The following RPGRIP1L variants were observed in gnomAD, a reference collection of about 807,000 sequenced individuals.
RPGRIP1L encodes the protein RPGRIP1 like, also known as protein fantom.
RPGRIP1L carries 131 observed loss-of-function variants against 160.4 expected under a neutral mutation model. The ratio of observed to expected loss-of-function variants is 0.82; its 90% CI spans 0.71 to 0.94. The LOEUF (loss-of-function observed/expected upper bound fraction) is 0.94. Ranked by LOEUF, RPGRIP1L falls within the 40% of genes least tolerant of loss-of-function variation. The probability of loss-of-function intolerance (pLI) is 0.00; values close to 1 mark genes in which losing one functional copy is unlikely to be tolerated. For missense variants in RPGRIP1L, 1,522 were observed against 1,535.8 expected (o/e 0.99, Z 0.15); for synonymous variants, 510 against 515.8 (o/e 0.99, Z 0.15).
chr16:53,646,310 A>G lies in RPGRIP1L; in HGVS notation c.2305-307T>C, dbSNP rs576442271. On this transcript the variant is annotated intron_variant, in intron 16 of 26. Coordinates refer to ENST00000647211, the MANE Select transcript of RPGRIP1L (RefSeq NM_015272.5). ...TTCTTCAATTCTGTTAGATAACTAA[A>G]GACTATAGTGAGCAATGGGTAGATA... is the stretch of plus-strand genomic sequence containing the variant. Among the ~76,000 whole-genome samples, 69 of 152,342 alleles carry G rather than the reference A, an allele frequency of 4.5e-4. No homozygotes were observed. The South Asian group carries it at 0.013, about 28-fold the overall frequency.
intron 17 of RPGRIP1L, among the ~76,000 whole-genome samples, chr16:53,642,469 T>C (rs1234884461): frequency 6.7e-6 from 1 of 149,294 alleles, no homozygotes; most frequent in Non-Finnish European, 1.5e-5. Context: ...AGACTTTGGG[T>C]AGGATAAAAG....
Position 53,652,784 on chromosome 16 carries a change from A to G in RPGRIP1L, c.1903T>C (p.Tyr635His), listed in dbSNP as rs1307352779. 6.2e-7 allele frequency: 1 copy of G among 1,614,034 alleles called. No individual in the cohort carries two copies. Among genetic ancestry groups the G allele is most frequent in the East Asian group, 2.2e-5 (1 of 44,886 alleles). The change falls in exon 15 of 27, where the codon TAT becomes CAT. Residue 635 changes from tyrosine (Y) to histidine (H), a missense_variant. Tyr to His is a moderately conservative substitution (Grantham distance 83). Coordinates refer to ENST00000647211, the MANE Select transcript of RPGRIP1L (RefSeq NM_015272.5). ...TGTAGTTCAAAATCATAGAAAGCATAGGTACAGAAAGTGACAGGCTCTTTA... is the reference window on the plus strand; with the variant it reads ...TGTAGTTCAAAATCATAGAAAGCATGGGTACAGAAAGTGACAGGCTCTTTA... The part of the protein sequence containing the change: ...GDKEPVTFCT[Y>H]AFYDFELQTT...
intron 6 of RPGRIP1L, among the ~76,000 whole-genome samples, chr16:53,680,901 G>A (rs1969556617): frequency 6.6e-6 from 1 of 152,148 alleles, no homozygotes; most frequent in African/African-American, 2.4e-5. Context: ...AAAACAGGCT[G>A]AGTGAAAGAA....
At chr16:53,640,085 T>C (rs1966107086) in intron 19 of RPGRIP1L, among the ~76,000 whole-genome samples, 1 of 152,190 alleles carries the variant, frequency 6.6e-6, no homozygotes, top group Non-Finnish European at 1.5e-5. Context: ...TATATATTTT[T>C]AAAGTACAGC....
At chr16:53,685,181 G>A (rs1029870146) in intron 6 of RPGRIP1L, among the ~76,000 whole-genome samples, 1 of 152,106 alleles carries the variant, frequency 6.6e-6, no homozygotes. Context: ...TCTCACACCA[G>A]TGAGACTGGC....
rs1963409706 is a variant in RPGRIP1L at position 53,602,173 on chromosome 16, G to A, written c.3851C>T (p.Ala1284Val). Reference sequence around the variant, plus strand: ...GAGCTTGCCAATACCTTCACCATCTGCTCGTGCATCAAAAACTAGGGAGAA... The same window carrying A: ...GAGCTTGCCAATACCTTCACCATCTACTCGTGCATCAAAAACTAGGGAGAA... The part of the protein sequence containing the change: ...EQNIDVFDAR[A>V]DGEGIGKLRV... The change falls in exon 27 of 27, where the codon GCA (alanine) becomes GTA (valine). Residue 1284 changes from alanine (A) to valine (V), a missense_variant. Coordinates refer to ENST00000647211, the MANE Select transcript of RPGRIP1L (RefSeq NM_015272.5). 3 of 1,612,564 alleles carry A rather than the reference G, an allele frequency of 1.9e-6. No individual in the cohort carries two copies. The East Asian group carries it at 6.7e-5, about 36-fold the overall frequency.
chr16:53,608,584 G>C (rs1410063706), intron 25 of RPGRIP1L, among the ~76,000 whole-genome samples: 1 of 152,020 alleles, frequency 6.6e-6, no homozygotes, highest in Non-Finnish European at 1.5e-5. Context: ...ATATAGCATG[G>C]GGTGGCATGC....
chr16:53,647,352 C>T (rs574725061), intron 16 of RPGRIP1L, among the ~76,000 whole-genome samples: 3 of 152,264 alleles, frequency 2.0e-5, no homozygotes, highest in African/African-American at 7.2e-5. Flanking sequence ...TATGGCTGGA[C>T]CTTCGGAAGG....
At chr16:53,652,151 C>T (rs1448044291) in intron 15 of RPGRIP1L, among the ~76,000 whole-genome samples, 1 of 152,162 alleles carries the variant, frequency 6.6e-6, no homozygotes, top group African/African-American at 2.4e-5. Flanking sequence ...TCTCAGCTCA[C>T]TGTAACCTCT....
chr16:53,699,296 G>A (rs1244451192), intron 2 of RPGRIP1L, among the ~76,000 whole-genome samples: 1 of 140,224 alleles, frequency 7.1e-6, no homozygotes, highest in African/African-American at 2.7e-5. Context: ...AGAGACCTTT[G>A]TTCACTTGTT....
intron 22 of RPGRIP1L, among the ~76,000 whole-genome samples, chr16:53,624,957 G>C (rs1457275631): frequency 6.6e-6 from 1 of 152,160 alleles, no homozygotes; most frequent in Admixed American, 6.5e-5. Flanking sequence ...GTGGAGACAG[G>C]GTTTGGCCGT....
intron 7 of RPGRIP1L, among the ~76,000 whole-genome samples, chr16:53,674,643 A>G (rs1287201132): frequency 6.6e-6 from 1 of 152,168 alleles, no homozygotes; most frequent in Non-Finnish European, 1.5e-5. Context: ...CAATAATTTT[A>G]TAAATGCTTA....
At chr16:53,668,968 AAAAG>A (rs1274259723) in intron 9 of RPGRIP1L, among the ~76,000 whole-genome samples, 2 of 152,208 alleles carry the variant, frequency 1.3e-5, no homozygotes, top group South Asian at 2.1e-4. Context: ...ATTTATTTGA[AAAAG>A]AAAGATGAGA....
At chr16:53,613,070 T>A (rs1964154470) in intron 24 of RPGRIP1L, among the ~76,000 whole-genome samples, 1 of 152,216 alleles carries the variant, frequency 6.6e-6, no homozygotes, top group African/African-American at 2.4e-5. Context: ...ATACATCTTG[T>A]AGCATATGTC....
At chr16:53,625,724 AAGAG>A (rs1369497961) in intron 22 of RPGRIP1L, among the ~76,000 whole-genome samples, 4 of 152,200 alleles carry the variant, frequency 2.6e-5, no homozygotes, top group Non-Finnish European at 5.9e-5. Flanking sequence ...GGGGAAAAGA[AAGAG>A]AGATCAGATT....
At chr16:53,686,655 T>C in intron 5 of RPGRIP1L, 79 bp from the exon 6 acceptor site, 1 of 1,473,238 alleles carries the variant, frequency 6.8e-7, no homozygotes, top group Non-Finnish European at 9.4e-7. Flanking sequence ...AAGAAAGTTC[T>C]TCATGAAAAA....
At chr16:53,696,041 C>G in intron 3 of RPGRIP1L, 110 bp downstream of exon 3, 3 of 1,077,196 alleles carry the variant, frequency 2.8e-6, no homozygotes, top group Middle Eastern at 5.2e-4. Context: ...TTACATCCTG[C>G]CTTGTTCCAA....
At chr16:53,606,226 T>C (rs1407759238) in intron 25 of RPGRIP1L, among the ~76,000 whole-genome samples, 2 of 152,364 alleles carry the variant, frequency 1.3e-5, no homozygotes, top group East Asian at 3.9e-4. Flanking sequence ...TATTTTACTT[T>C]AAGACATATA....
At chr16:53,604,544 T>A (rs998808325) in intron 26 of RPGRIP1L, among the ~76,000 whole-genome samples, 1 of 152,184 alleles carries the variant, frequency 6.6e-6, no homozygotes, top group Non-Finnish European at 1.5e-5. Context: ...ACGTTCTAAA[T>A]ACAGAAGAAT....
Sources: allele counts gnomAD v4.1 joint callset (sites outside exome capture counted in the v4.1 genomes callset), GRCh38; gene constraint gnomAD v4.1.1; transcripts MANE v1.5; gene names NCBI Gene and HGNC (gene_info 2026-07-23, HGNC 2026-07-21).